The following LARGE1 variants were observed in gnomAD, a reference collection of about 807,000 sequenced individuals.
The protein encoded by LARGE1 is xylosyl- and glucuronyltransferase LARGE1.
LARGE1 carries 43 observed loss-of-function variants against 87.6 expected under a neutral mutation model. That is an observed-to-expected ratio of 0.49 (90% CI 0.38 to 0.63). The LOEUF is 0.63. Among genes scored for constraint, LARGE1 ranks in the 30% least tolerant of loss-of-function variants. The pLI is 0.00. For synonymous variants in LARGE1, 434 were observed against 394.6 expected, an observed-to-expected ratio of 1.10 and a Z score of -1.18; for missense variants, 802 against 1,000.2, an observed-to-expected ratio of 0.80 and a Z score of 2.67.
intron 1 of LARGE1, among the ~76,000 whole-genome samples, chr22:33,766,384 A>G (rs117752182): frequency 0.033 from 5,094 of 152,214 alleles, 191 homozygotes; most frequent in South Asian, 0.21. Flanking sequence ...TGAAATTTAC[A>G]TTTATGAAGA....
chr22:33,888,668 C>A (rs1339391708), intron 1 of LARGE1, among the ~76,000 whole-genome samples: 1 of 152,134 alleles, frequency 6.6e-6, no homozygotes, highest in African/African-American at 2.4e-5. Context: ...CCAGCCTGGG[C>A]AACATGGCGA....
intron 11 of LARGE1, among the ~76,000 whole-genome samples, chr22:33,249,051 T>G (rs1926897935): frequency 6.6e-6 from 1 of 152,346 alleles, no homozygotes; most frequent in Middle Eastern, 3.4e-3. Flanking sequence ...ACATAAGTTT[T>G]CAACTCCCTT....
intron 9 of LARGE1, among the ~76,000 whole-genome samples, chr22:33,379,535 A>C (rs1450419300): frequency 6.6e-6 from 1 of 152,144 alleles, no homozygotes; most frequent in Non-Finnish European, 1.5e-5. Context: ...TCACAATAGC[A>C]AAGACTTGGA....
the LARGE1 span, among the ~76,000 whole-genome samples, chr22:33,142,591 T>G: frequency 1.3e-5 from 2 of 152,144 alleles, no homozygotes; most frequent in Non-Finnish European, 1.5e-5. Flanking sequence ...GGGAGTTAAA[T>G]AAGAGTAACC....
At chr22:33,601,137 A>C (rs905250505) in intron 5 of LARGE1, among the ~76,000 whole-genome samples, 28 of 152,204 alleles carry the variant, frequency 1.8e-4, no homozygotes, top group African/African-American at 6.5e-4. Context: ...AAAAGGTTTT[A>C]CCCAGAGGAA....
intron 7 of LARGE1, among the ~76,000 whole-genome samples, chr22:33,408,147 A>G: frequency 6.6e-6 from 1 of 150,934 alleles, no homozygotes; most frequent in Non-Finnish European, 1.5e-5. Context: ...CGCCCAGCTA[A>G]TTTTTTTTTG....
At chr22:33,741,326 C>T (rs549674104) in intron 2 of LARGE1, among the ~76,000 whole-genome samples, 1 of 152,342 alleles carries the variant, frequency 6.6e-6, no homozygotes, top group East Asian at 1.9e-4. Context: ...AGGAACACCA[C>T]CTCAACTACT....
At chr22:33,069,662 A>G in the LARGE1 span, among the ~76,000 whole-genome samples, 1 of 152,206 alleles carries the variant, frequency 6.6e-6, no homozygotes, top group Non-Finnish European at 1.5e-5. Flanking sequence ...CACCATAAGT[A>G]CCCTATAAAT....
intron 6 of LARGE1, among the ~76,000 whole-genome samples, chr22:33,506,762 G>A (rs572656929): frequency 6.6e-6 from 1 of 152,280 alleles, no homozygotes; most frequent in South Asian, 2.1e-4. Context: ...TTAGACAGGT[G>A]TGGTGGCCCA....
At chr22:33,715,282 G>A (rs2082875971) in intron 2 of LARGE1, among the ~76,000 whole-genome samples, 6 of 152,152 alleles carry the variant, frequency 3.9e-5, no homozygotes, top group Admixed American at 3.9e-4. Flanking sequence ...CATCACTCAT[G>A]AATCTCTTTT....
intron 12 of LARGE1, among the ~76,000 whole-genome samples, chr22:33,289,761 G>A (rs141940417): frequency 5.1e-4 from 77 of 152,178 alleles, no homozygotes; most frequent in Middle Eastern, 3.4e-3. Flanking sequence ...CTTTTCCAGC[G>A]TGGCAGAGCT....
chr22:33,785,171 A>G lies in LARGE1; in HGVS notation c.-82-23613T>C, dbSNP rs538283602. 4.7e-5 allele frequency among the ~76,000 whole-genome samples: 7 copies of G among 150,188 alleles called. No individual in the cohort carries two copies. In the South Asian group the frequency reaches 1.5e-3, roughly 32 times the overall value. On this transcript the variant is annotated intron_variant, in intron 1 of 14. Coordinates refer to ENST00000397394, the MANE Select transcript of LARGE1 (RefSeq NM_133642.5). ...TGTGTATATACATATATGTGTATAC[A>G]TACATATGTGTATATACATATATGT... is the stretch of plus-strand genomic sequence containing the variant.
chr22:33,557,180 A>G (rs2077715337), intron 6 of LARGE1, among the ~76,000 whole-genome samples: 1 of 152,218 alleles, frequency 6.6e-6, no homozygotes, highest in Admixed American at 6.5e-5. Flanking sequence ...GGCTCTGAGA[A>G]GTTAAATGAT....
chr22:33,897,604 T>A (rs1383050835), intron 1 of LARGE1, among the ~76,000 whole-genome samples: 1 of 152,204 alleles, frequency 6.6e-6, no homozygotes, highest in African/African-American at 2.4e-5. Context: ...GGAATGCCAA[T>A]GAAGCCAGCG....
At chr22:33,378,000 A>C (rs2065040833) in intron 9 of LARGE1, among the ~76,000 whole-genome samples, 1 of 152,090 alleles carries the variant, frequency 6.6e-6, no homozygotes, top group Non-Finnish European at 1.5e-5. Context: ...CTTATGTTTT[A>C]TATCTGGTAA....
intron 2 of LARGE1, among the ~76,000 whole-genome samples, chr22:33,749,092 C>T (rs1397382650): frequency 6.6e-6 from 1 of 152,232 alleles, no homozygotes; most frequent in East Asian, 1.9e-4. Context: ...GTCTTTATAA[C>T]AGCGGTGTAA....
the LARGE1 span, among the ~76,000 whole-genome samples, chr22:33,152,479 C>A: frequency 6.6e-6 from 1 of 152,224 alleles, no homozygotes; most frequent in Non-Finnish European, 1.5e-5. Flanking sequence ...TTGGATCACA[C>A]CAGCTGAGAG....
intron 1 of LARGE1, among the ~76,000 whole-genome samples, chr22:33,778,211 C>A (rs1271713599): frequency 1.3e-5 from 2 of 152,176 alleles, no homozygotes; most frequent in South Asian, 4.1e-4. Flanking sequence ...TTCCAAGAAC[C>A]TTGAACTGTA....
At chr22:33,792,244 G>C (rs2145992956) in intron 1 of LARGE1, among the ~76,000 whole-genome samples, 1 of 152,314 alleles carries the variant, frequency 6.6e-6, no homozygotes, top group South Asian at 2.1e-4. Flanking sequence ...GGACCTGTTA[G>C]GACGTAATCA....
Sources: gnomAD v4.1 joint callset for allele counts (sites outside exome capture counted in the v4.1 genomes callset) on GRCh38, gnomAD v4.1.1 for gene constraint, MANE v1.5 for transcripts, NCBI Gene and HGNC (gene_info 2026-07-23, HGNC 2026-07-21) for gene names.